CST3: variants seen among roughly 807,000 people sequenced by gnomAD.
CST3 encodes the protein cystatin C, also known as cystatin-C.
CST3 carries 14 observed loss-of-function variants against 9.0 expected under a neutral mutation model. The ratio of observed to expected loss-of-function variants is 1.56; its 90% CI spans 1.03 to 2.44. The LOEUF (loss-of-function observed/expected upper bound fraction) is 2.44, where lower values mean the gene tolerates loss of function less well. Ranked by LOEUF, CST3 falls within the 30% of genes most tolerant of loss-of-function variation. The probability of loss-of-function intolerance (pLI) is 0.00; values close to 1 mark genes in which losing one functional copy is unlikely to be tolerated. For synonymous variants in CST3, 96 were observed against 90.2 expected (o/e 1.06, Z -0.37); for missense variants, 237 against 204.3 (o/e 1.16, Z -0.98).
rs556369884 is a variant in CST3, at chr20:23,634,618, TAGAC to T, written c.358-623_358-620del. On this transcript the variant is annotated intron_variant, in intron 2 of 2. Coordinates refer to ENST00000376925, the MANE Select transcript of CST3 (RefSeq NM_000099.4). ...GTGGGCAGGTGCCTAAGGCTGGGAT[TAGAC>T]AGAGCCCTTTCTCCCTGCCCAGCAC... Among the ~76,000 whole-genome samples, 38 of 152,144 alleles carry T rather than the reference TAGAC, an allele frequency of 2.5e-4. 1 individual carries two copies. In the South Asian group the frequency reaches 7.5e-3, roughly 30 times the overall value.
chr20:23,637,002 T>C (rs1049223406), intron 1 of CST3, among the ~76,000 whole-genome samples: 3 of 152,110 alleles, frequency 2.0e-5, no homozygotes, highest in African/African-American at 7.2e-5. Context: ...AGGCAAAAAA[T>C]GCATATACAG....
At chr20:23,637,358 C>T (rs1020614915) in intron 1 of CST3, among the ~76,000 whole-genome samples, 5 of 152,208 alleles carry the variant, frequency 3.3e-5, no homozygotes, top group Admixed American at 6.5e-5. Flanking sequence ...CGCGCTGCGG[C>T]GCAGCTCGAG....
downstream of CST3, among the ~76,000 whole-genome samples, chr20:23,629,926 A>G (rs1016049303): frequency 6.6e-6 from 1 of 152,182 alleles, no homozygotes; most frequent in African/African-American, 2.4e-5. Flanking sequence ...TGGTGGAAGG[A>G]ATTTCCGTTT....
In CST3 at chr20:23,637,888, G is replaced by A. The variant is rs568763912; in HGVS notation, c.-26C>T. 7.2e-7 allele frequency: 1 copy of A among 1,384,456 alleles called. No individual in the cohort carries two copies. Among genetic ancestry groups the A allele is most frequent in the African/African-American group, 1.5e-5 (1 of 65,470 alleles). 85.8% of individuals were successfully genotyped at this position (1,384,456 alleles called of 1,614,324 possible). A position where few individuals can be genotyped will look rare whatever the true frequency, so the allele number is the denominator to read the frequency against. Reference sequence around the variant, plus strand: ...GGTCGGCTAGGACGCGGGACGCGGGGAGTGGGGCGCAGGCGAGAGGCTGGA... The same window carrying A: ...GGTCGGCTAGGACGCGGGACGCGGGAAGTGGGGCGCAGGCGAGAGGCTGGA... On this transcript the variant is annotated 5_prime_UTR_variant, in exon 1 of 3. Transcript: ENST00000376925.
chr20:23,636,186 G>A (rs1323518287), intron 1 of CST3, among the ~76,000 whole-genome samples: 1 of 152,176 alleles, frequency 6.6e-6, no homozygotes, highest in African/African-American at 2.4e-5. Context: ...CCTACACCAG[G>A]GAATGGCCCT....
rs1348207504 is a variant in CST3, at chr20:23,634,105, C to T, written c.358-106G>A. 3 of 922,414 alleles carry T rather than the reference C, an allele frequency of 3.3e-6. No individual in the cohort carries two copies. In the African/African-American group the frequency reaches 4.8e-5, roughly 15 times the overall value. The allele number at this position is 922,414 out of a possible 1,614,324, so 57.1% of individuals were successfully genotyped here. The stretch of plus-strand genomic sequence containing the variant: ...GGAGTGAAGAAGGATGGAGGTGAAA[C>T]ACTGGGCCCTTATCTACCCCTCCAC... On this transcript the variant is annotated intron_variant, in intron 2 of 2. Transcript: ENST00000376925.
chr20:23,635,287 G>T lies in CST3; in HGVS notation c.324C>A (p.Asn108Lys). ...GATGTGGCTGGTCATGGAAGGGGCAGTTGTCCAAGTTGGGCTGGGTCTTGG... is the reference window on the plus strand; with the variant it reads ...GATGTGGCTGGTCATGGAAGGGGCATTTGTCCAAGTTGGGCTGGGTCTTGG... ...TCTKTQPNLD[N>K]CPFHDQPHLK... Residue 108 changes from asparagine (N) to lysine (K), a missense_variant, in exon 2 of 3, where the codon AAC (asparagine) becomes AAA (lysine). Asn to Lys is a moderately conservative substitution (Grantham distance 94). Coordinates refer to ENST00000376925, the MANE Select transcript of CST3 (RefSeq NM_000099.4). The T allele has an allele frequency of 1.2e-6, 2 of 1,614,174 alleles. No individual in the cohort carries two copies. The highest frequency in any genetic ancestry group is 1.7e-6 in the Non-Finnish European group (2 of 1,180,030).
downstream of CST3, among the ~76,000 whole-genome samples, chr20:23,631,029 T>C (rs890169318): frequency 1.3e-4 from 20 of 152,068 alleles, no homozygotes; most frequent in Non-Finnish European, 2.8e-4. Context: ...TTTTTTTTCC[T>C]AAAAAAACAT....
exon 4 of CST3, chr20:23,627,207 A>G (rs966492560): frequency 1.3e-5 from 2 of 152,232 alleles, no homozygotes; most frequent in Non-Finnish European, 2.9e-5. Context: ...AGCCCTAGAC[A>G]ACCACTAATC....
chr20:23,636,626 A>G (rs1235550957), intron 1 of CST3, among the ~76,000 whole-genome samples: 1 of 152,142 alleles, frequency 6.6e-6, no homozygotes, highest in African/African-American at 2.4e-5. Context: ...TGCGGAGAGT[A>G]TTCTGGGAGG....
chr20:23,633,865 T>C lies in CST3; in HGVS notation c.*51A>G, dbSNP rs1438763424. 3 of 1,460,026 alleles carry C rather than the reference T, an allele frequency of 2.1e-6. No homozygotes were observed. Among genetic ancestry groups the C allele is most frequent in the Non-Finnish European group, 2.9e-6 (3 of 1,041,302 alleles). The allele number at this position is 1,460,026 out of a possible 1,614,324, so 90.4% of individuals were successfully genotyped here. A position where few individuals can be genotyped will look rare whatever the true frequency, so the allele number is the denominator to read the frequency against. On this transcript the variant is annotated 3_prime_UTR_variant, in exon 3 of 3. Transcript: ENST00000376925. ...AGTCCAGGGGTGGGAATACAGGGGG[T>C]GGGAGGTGTGCATAAGAGGTGATAG... is the stretch of plus-strand genomic sequence containing the variant.
At chr20:23,637,598 C>CCCTGCGGGGGGCGGCACGCA in intron 1 of CST3, 22 bp downstream of exon 1, 1 of 1,501,484 alleles carries the variant, frequency 6.7e-7, no homozygotes, top group Non-Finnish European at 8.9e-7. Context: ...GGGCTTCGGA[C>CCCTGCGGGGGGCGGCACGCA]CCTGCGGGGG....
chr20:23,635,466 G>A (rs938292390), intron 1 of CST3, 99 bp from the exon 2 acceptor site: 1 of 1,054,432 alleles, frequency 9.5e-7, no homozygotes, highest in Admixed American at 2.0e-5. Flanking sequence ...GCTTGCCTGG[G>A]GCTTCAAGCC....
chr20:23,636,890 T>A (rs370842490), intron 1 of CST3, among the ~76,000 whole-genome samples: 27 of 152,376 alleles, frequency 1.8e-4, no homozygotes, highest in African/African-American at 6.5e-4. Context: ...CATTAGATCA[T>A]GAATGTGTCA....
downstream of CST3, chr20:23,629,299 C>A (rs1979361906): frequency 6.6e-6 from 1 of 152,186 alleles, no homozygotes; most frequent in Non-Finnish European, 1.5e-5. Flanking sequence ...CAGACGCTGG[C>A]CGCTGGCCTC....
At chr20:23,634,349 C>G (rs1271554394) in intron 2 of CST3, among the ~76,000 whole-genome samples, 5 of 152,190 alleles carry the variant, frequency 3.3e-5, no homozygotes, top group Non-Finnish European at 7.4e-5. Flanking sequence ...CCTTCCACCT[C>G]CAGCCCTCAG....
intron 2 of CST3, 64 bp from the exon 3 acceptor site, chr20:23,634,063 C>G: frequency 7.6e-7 from 1 of 1,315,350 alleles, no homozygotes; most frequent in Non-Finnish European, 1.1e-6. Context: ...GATGCCCAGG[C>G]ACGGGACATC....
At chr20:23,632,984 T>C (rs1387988442), downstream of CST3, among the ~76,000 whole-genome samples, 6 of 152,230 alleles carry the variant, frequency 3.9e-5, no homozygotes, top group East Asian at 9.6e-4. Context: ...CAACTTGTTT[T>C]AAATCCAAGT....
rs372736445 is a variant in CST3, at chr20:23,637,528, CG to C, written c.243+91del. ...GGGTCCGGGTGAGAAGCCCAGGCGC[CG>C]GAGAGGAGCAGCACGGGGTCCGGGA... is the stretch of plus-strand genomic sequence containing the variant. On this transcript the variant is annotated intron_variant, in intron 1 of 2. Transcript: ENST00000376925. The C allele has an allele frequency of 4.1e-3, 5,168 of 1,253,148 alleles. 240 individuals carry two copies. The South Asian group carries it at 0.083, about 20-fold the overall frequency. 77.6% of individuals were successfully genotyped at this position (1,253,148 alleles called of 1,614,324 possible).
Sources: gnomAD v4.1 joint callset for allele counts (sites outside exome capture counted in the v4.1 genomes callset) on GRCh38, gnomAD v4.1.1 for gene constraint, MANE v1.5 for transcripts, NCBI Gene and HGNC (gene_info 2026-07-23, HGNC 2026-07-21) for gene names.